The following MITF variants were observed in gnomAD, a reference collection of about 807,000 sequenced individuals.
MITF encodes microphthalmia-associated transcription factor.
A neutral mutation model predicts 60.5 loss-of-function variants in MITF; 17 were observed. That is an observed-to-expected ratio of 0.28 (90% CI 0.19 to 0.42). The LOEUF (loss-of-function observed/expected upper bound fraction) is 0.42, where lower values mean the gene tolerates loss of function less well. MITF is among the 10% of genes least tolerant of loss of function. MITF has a pLI of 1.00. For missense variants in MITF, 622 were observed against 683.5 expected, an observed-to-expected ratio of 0.91 and a Z score of 1.00; for synonymous variants, 260 against 248.5, an observed-to-expected ratio of 1.05 and a Z score of -0.43.
At position 69,965,324 on chromosome 3, in the gene MITF, G is replaced by C; in HGVS notation, c.*76G>C. ...TAGATTTAATAACTTACCTGAAGGG[G>C]TTTTCTTGATAATTTTCCTTTAATA... On this transcript the variant is annotated 3_prime_UTR_variant, in exon 10 of 10. Coordinates refer to ENST00000352241, the MANE Select transcript of MITF (RefSeq NM_001354604.2). 1 of 1,509,826 alleles carries C rather than the reference G, an allele frequency of 6.6e-7. No homozygotes were observed. The allele number at this position is 1,509,826 out of a possible 1,614,324, so 93.5% of individuals were successfully genotyped here.
At chr3:69,950,534 G>A (rs1220177673) in intron 6 of MITF, among the ~76,000 whole-genome samples, 2 of 144,402 alleles carry the variant, frequency 1.4e-5, no homozygotes, top group Non-Finnish European at 3.0e-5. Flanking sequence ...ATACATGGAT[G>A]TATGCATATA....
intron 2 of MITF, among the ~76,000 whole-genome samples, chr3:69,921,374 C>G (rs535083560): frequency 1.3e-5 from 2 of 152,140 alleles, no homozygotes; most frequent in African/African-American, 4.8e-5. Context: ...AGTTGATGTT[C>G]GGAATGACTC....
At chr3:69,821,690 T>TAAAAAAAAAAAAAAAAAAAAA (rs72371556) in intron 1 of MITF, among the ~76,000 whole-genome samples, 1 of 113,252 alleles carries the variant, frequency 8.8e-6, no homozygotes, top group Non-Finnish European at 1.8e-5. Flanking sequence ...AAAAAAAAAC[T>TAAAAAAAAAAAAAAAAAAAAA]AAAAAAAAAA....
intron 1 of MITF, among the ~76,000 whole-genome samples, chr3:69,813,581 G>A (rs1199152738): frequency 1.3e-5 from 2 of 152,010 alleles, no homozygotes; most frequent in African/African-American, 4.8e-5. Context: ...TGGAACACAA[G>A]TCTCTTGAAT....
chr3:69,871,570 C>A (rs1459665586), intron 1 of MITF, among the ~76,000 whole-genome samples: 10 of 152,218 alleles, frequency 6.6e-5, no homozygotes, highest in Non-Finnish European at 1.0e-4. Flanking sequence ...CAGGTGTACC[C>A]ATTCACTGCT....
intron 5 of MITF, among the ~76,000 whole-genome samples, chr3:69,942,977 T>C (rs2066004176): frequency 6.6e-6 from 1 of 152,078 alleles, no homozygotes; most frequent in African/African-American, 2.4e-5. Context: ...AACTGTAGAA[T>C]TGACATGATT....
Position 69,797,080 on chromosome 3 carries a change from G to T in MITF, c.104+57379G>T, listed in dbSNP as rs191082896. On this transcript the variant is annotated intron_variant, in intron 1 of 9. Transcript: ENST00000352241. ...TAAGTTTATAAATTATTTTTAATGG[G>T]AGTATGCAGGGATTTGTATCATAAT... is the stretch of plus-strand genomic sequence containing the variant. Among the ~76,000 whole-genome samples, 76 of 152,312 alleles carry T rather than the reference G, an allele frequency of 5.0e-4. 1 individual carries two copies. In the East Asian group the frequency reaches 0.011, roughly 22 times the overall value.
intron 1 of MITF, among the ~76,000 whole-genome samples, chr3:69,856,879 A>C (rs1376970957): frequency 3.3e-5 from 5 of 152,002 alleles, no homozygotes; most frequent in African/African-American, 9.7e-5. Flanking sequence ...CATTAATTGA[A>C]TTCATGCTTG....
intron 7 of MITF, 80 bp from the exon 8 acceptor site, chr3:69,956,375 T>C (rs978299081): frequency 9.0e-7 from 1 of 1,116,142 alleles, no homozygotes. Flanking sequence ...GAAGTTAATA[T>C]GCACATGCCT....
chr3:69,785,016 G>T (rs1333625731), intron 1 of MITF, among the ~76,000 whole-genome samples: 1 of 150,562 alleles, frequency 6.6e-6, no homozygotes, highest in Non-Finnish European at 1.5e-5. Context: ...TGTTATCTTT[G>T]TCAAAGTGCT....
chr3:69,739,837 C>A, intron 1 of MITF, 136 bp downstream of exon 1: 1 of 670,132 alleles, frequency 1.5e-6, no homozygotes, highest in East Asian at 2.8e-5. Flanking sequence ...AGAGGGCGAA[C>A]TGCCCCTCGC....
intron 1 of MITF, among the ~76,000 whole-genome samples, chr3:69,839,264 T>A (rs1289750969): frequency 6.6e-6 from 1 of 152,094 alleles, no homozygotes; most frequent in African/African-American, 2.4e-5. Flanking sequence ...TCCAAGCCGT[T>A]ACAAATGAGC....
intron 2 of MITF, among the ~76,000 whole-genome samples, chr3:69,899,713 T>C (rs911503819): frequency 6.6e-6 from 1 of 152,098 alleles, no homozygotes. Context: ...TTGGAAAAAA[T>C]TCTTTTTTCC....
chr3:69,816,606 C>T (rs1419376893), intron 1 of MITF, among the ~76,000 whole-genome samples: 1 of 152,098 alleles, frequency 6.6e-6, no homozygotes, highest in Non-Finnish European at 1.5e-5. Flanking sequence ...GACATGTGGA[C>T]TTCGGATTTG....
rs764397351 is a variant in MITF, at chr3:69,965,285, C to G, written c.*37C>G. On this transcript the variant is annotated 3_prime_UTR_variant, in exon 10 of 10. Coordinates refer to ENST00000352241, the MANE Select transcript of MITF (RefSeq NM_001354604.2). ...TGCACTGCATTCGCACAAACTGCTT[C>G]CTTTCTTGATTCGTAGATTTAATAA... 59 of 1,602,836 alleles carry G rather than the reference C, an allele frequency of 3.7e-5. No individual in the cohort carries two copies. In the Admixed American group the frequency reaches 9.7e-4, roughly 26 times the overall value.
chr3:69,810,701 C>A (rs1237314963), intron 1 of MITF, among the ~76,000 whole-genome samples: 5 of 152,106 alleles, frequency 3.3e-5, no homozygotes, highest in Non-Finnish European at 7.3e-5. Context: ...CCTTCAGAGG[C>A]CACTGTGAGG....
intron 1 of MITF, among the ~76,000 whole-genome samples, chr3:69,862,024 G>C (rs1027331584): frequency 4.0e-5 from 6 of 151,290 alleles, no homozygotes; most frequent in African/African-American, 1.5e-4. Context: ...ACTCTTAACA[G>C]ACCATTTACA....
intron 2 of MITF, among the ~76,000 whole-genome samples, chr3:69,929,067 G>T (rs2065657144): frequency 6.6e-6 from 1 of 152,200 alleles, no homozygotes; most frequent in South Asian, 2.1e-4. Context: ...AACTTAGGAA[G>T]ACTGAGGGAC....
intron 1 of MITF, among the ~76,000 whole-genome samples, chr3:69,865,760 AAAATGCCT>A (rs1193895779): frequency 6.6e-6 from 1 of 152,166 alleles, no homozygotes; most frequent in African/African-American, 2.4e-5. Flanking sequence ...TCAAGCTCCA[AAAATGCCT>A]GTGCACAGAT....
Sources: allele counts gnomAD v4.1 joint callset (sites outside exome capture counted in the v4.1 genomes callset), GRCh38; gene constraint gnomAD v4.1.1; transcripts MANE v1.5; gene names NCBI Gene and HGNC (gene_info 2026-07-23, HGNC 2026-07-21).